The following CACNA1C variants were observed in gnomAD, a reference collection of about 807,000 sequenced individuals.
CACNA1C encodes the protein calcium voltage-gated channel subunit alpha1 C, also known as voltage-dependent L-type calcium channel subunit alpha-1C.
In CACNA1C, 30 loss-of-function variants were observed where a neutral mutation model predicts 229.0. That is an observed-to-expected ratio of 0.13 (90% CI 0.10 to 0.18). The LOEUF (loss-of-function observed/expected upper bound fraction) is 0.18. Among genes scored for constraint, CACNA1C ranks in the 10% least tolerant of loss-of-function variants. The probability of loss-of-function intolerance (pLI) is 1.00; values close to 1 mark genes in which losing one functional copy is unlikely to be tolerated. For synonymous variants in CACNA1C, 1,114 were observed against 1,132.5 expected (o/e 0.98, Z 0.33); for missense variants, 1,658 against 2,845.0 (o/e 0.58, Z 9.49).
intron 3 of CACNA1C, among the ~76,000 whole-genome samples, chr12:2,313,188 G>A (rs2095523197): frequency 6.6e-6 from 1 of 152,204 alleles, no homozygotes; most frequent in Non-Finnish European, 1.5e-5. Flanking sequence ...TGCTCCCAAG[G>A]ATTGATGGAG....
chr12:2,349,434 A>G (rs1167520055), intron 3 of CACNA1C, among the ~76,000 whole-genome samples: 1 of 152,180 alleles, frequency 6.6e-6, no homozygotes, highest in Non-Finnish European at 1.5e-5. Flanking sequence ...TTAAGAAGAA[A>G]AATGGAAGGG....
intron 3 of CACNA1C, among the ~76,000 whole-genome samples, chr12:2,350,663 T>A (rs527650455): frequency 6.6e-6 from 1 of 152,228 alleles, no homozygotes; most frequent in South Asian, 2.1e-4. Context: ...CCCCCTCATA[T>A]GGGCAGCAGA....
At chr12:2,353,377 C>T (rs2097263152) in intron 3 of CACNA1C, among the ~76,000 whole-genome samples, 1 of 152,246 alleles carries the variant, frequency 6.6e-6, no homozygotes. Context: ...GTGCTCTTAT[C>T]CTCCCTACCT....
chr12:2,309,897 G>A lies in CACNA1C; in HGVS notation c.478-139079G>A, dbSNP rs539092591. Among the ~76,000 whole-genome samples, 12 of 152,246 alleles carry A rather than the reference G, an allele frequency of 7.9e-5. 1 individual carries two copies. In the South Asian group the frequency reaches 1.5e-3, roughly 18 times the overall value. On this transcript the variant is annotated intron_variant, in intron 3 of 46. Transcript: ENST00000399655. ...GGAGACAGCTGGATCCTAGTCAGCC[G>A]GGGAACTGCATGAGTTTCCGAGGTT...
At chr12:2,085,862 C>T (rs2067428552) in intron 1 of CACNA1C, among the ~76,000 whole-genome samples, 1 of 152,170 alleles carries the variant, frequency 6.6e-6, no homozygotes, top group Non-Finnish European at 1.5e-5. Flanking sequence ...GTTTCTTCTA[C>T]CAACCCTACA....
At chr12:2,358,649 A>AG (rs950266524) in intron 3 of CACNA1C, among the ~76,000 whole-genome samples, 2 of 152,206 alleles carry the variant, frequency 1.3e-5, no homozygotes, top group African/African-American at 4.8e-5. Context: ...TAAGTGCACT[A>AG]GGCTTTCTGG....
At chr12:2,343,500 T>C (rs1466756160) in intron 3 of CACNA1C, among the ~76,000 whole-genome samples, 1 of 152,208 alleles carries the variant, frequency 6.6e-6, no homozygotes, top group African/African-American at 2.4e-5. Flanking sequence ...TTTGTAAGTA[T>C]ATCCTAACTG....
chr12:2,685,045 A>G (rs1225518111), intron 43 of CACNA1C, among the ~76,000 whole-genome samples: 1 of 152,190 alleles, frequency 6.6e-6, no homozygotes, highest in African/African-American at 2.4e-5. Flanking sequence ...TAAAAATAGA[A>G]CAGACTAAAG....
In CACNA1C at chr12:2,467,623, G is replaced by C. The variant is rs1275791077; in HGVS notation, c.757+9917G>C. Among the ~76,000 whole-genome samples the C allele has an allele frequency of 1.3e-5, 2 of 152,158 alleles. No individual in the cohort carries two copies. The highest frequency in any genetic ancestry group is 2.9e-5 in the Non-Finnish European group (2 of 68,022). ...CGGGGGGCCCTTCACACTGCAGGAG[G>C]CTTGCCTCTAAGAAACAGAATTTAG... On this transcript the variant is annotated intron_variant, in intron 5 of 46. Transcript: ENST00000399655. The surrounding 1 kb of genome is among the most constrained non-coding windows in gnomAD (Gnocchi z 4.6).
upstream of CACNA1C, among the ~76,000 whole-genome samples, chr12:2,050,980 A>G (rs962770748): frequency 5.3e-5 from 8 of 152,222 alleles, no homozygotes; most frequent in Non-Finnish European, 1.0e-4. Flanking sequence ...AATAGATGAG[A>G]CACCTGCCTT....
chr12:2,052,561 C>CGGCGCGGGG (rs2052518097), upstream of CACNA1C, among the ~76,000 whole-genome samples: 1 of 147,748 alleles, frequency 6.8e-6, no homozygotes, highest in South Asian at 2.1e-4. Flanking sequence ...GGCTGCAGGC[C>CGGCGCGGGG]GGCGCGGGGG....
intron 19 of CACNA1C, among the ~76,000 whole-genome samples, chr12:2,593,846 T>G (rs2066730265): frequency 6.6e-6 from 1 of 152,258 alleles, no homozygotes; most frequent in Non-Finnish European, 1.5e-5. Flanking sequence ...TTTACTCATT[T>G]CAGTCCATCC....
At chr12:2,481,492 CT>C (rs1278710112) in intron 5 of CACNA1C, among the ~76,000 whole-genome samples, 1 of 152,224 alleles carries the variant, frequency 6.6e-6, no homozygotes, top group African/African-American at 2.4e-5. Context: ...AAATCCATGT[CT>C]GCCGGCTAAA....
At chr12:2,013,324 A>G (rs1171878907) in intron 1 of CACNA1C, among the ~76,000 whole-genome samples, 1 of 152,204 alleles carries the variant, frequency 6.6e-6, no homozygotes, top group African/African-American at 2.4e-5. Flanking sequence ...GTGTTTAGTC[A>G]TTGGCCCTTG....
intron 21 of CACNA1C, among the ~76,000 whole-genome samples, chr12:2,599,870 C>T (rs2070993952): frequency 6.6e-6 from 1 of 152,204 alleles, no homozygotes. Context: ...TCCTCTGGCC[C>T]TGCCTGGATG....
intron 10 of CACNA1C, among the ~76,000 whole-genome samples, chr12:2,554,490 C>T (rs2042989951): frequency 6.6e-6 from 1 of 152,158 alleles, no homozygotes; most frequent in South Asian, 2.1e-4. Context: ...AAGCCAGAGC[C>T]CCCAGCTGTT....
intron 3 of CACNA1C, among the ~76,000 whole-genome samples, chr12:2,429,383 C>T (rs2239074): frequency 0.28 from 43,225 of 152,022 alleles, 7,017 homozygotes; most frequent in Middle Eastern, 0.37. Flanking sequence ...TCTGCGCTCT[C>T]CTCGGCTAAC....
chr12:2,529,972 G>T (rs1326594117), intron 9 of CACNA1C, among the ~76,000 whole-genome samples: 1 of 152,204 alleles, frequency 6.6e-6, no homozygotes, highest in East Asian at 1.9e-4. Flanking sequence ...TTCAAAGGGG[G>T]CAGAGGTTTG....
Position 2,254,868 on chromosome 12 carries a change from G to A in CACNA1C, c.477+134438G>A, listed in dbSNP as rs370925778. 1.5e-3 allele frequency among the ~76,000 whole-genome samples: 230 copies of A among 152,210 alleles called. 4 individuals carry two copies. In the South Asian group the frequency reaches 0.025, roughly 17 times the overall value. On this transcript the variant is annotated intron_variant, in intron 3 of 46. Coordinates refer to ENST00000399655, the MANE Select transcript of CACNA1C (RefSeq NM_000719.7). The stretch of plus-strand genomic sequence containing the variant: ...GAAAAAGATCTTTTCATATCCCCCC[G>A]TCCTCTCTTCACTTGGATGGCAGTT...
Sources: gnomAD v4.1 joint callset for allele counts (sites outside exome capture counted in the v4.1 genomes callset) on GRCh38, gnomAD v4.1.1 for gene constraint, Gnocchi (gnomAD v3.1) non-coding constraint, MANE v1.5 for transcripts, NCBI Gene and HGNC (gene_info 2026-07-23, HGNC 2026-07-21) for gene names.